The following SPHKAP variants were observed in gnomAD, a reference collection of about 807,000 sequenced individuals.
SPHKAP encodes the protein A-kinase anchor protein SPHKAP.
In SPHKAP, 67 loss-of-function variants were observed where a neutral mutation model predicts 137.5. The observed-to-expected ratio is 0.49, with a 90% CI of 0.40 to 0.60. SPHKAP has a LOEUF of 0.60. SPHKAP is among the 20% of genes least tolerant of loss of function. The probability of loss-of-function intolerance (pLI) is 0.00; values close to 1 mark genes in which losing one functional copy is unlikely to be tolerated. For missense variants in SPHKAP, 2,097 were observed against 2,069.3 expected (o/e 1.01, Z -0.26); for synonymous variants, 813 against 785.3 (o/e 1.04, Z -0.59).
rs754367370 is a variant in SPHKAP at position 228,019,773 on chromosome 2, C to G, written c.1081G>C (p.Glu361Gln). 6.2e-7 allele frequency: 1 copy of G among 1,614,128 alleles called. No homozygotes were observed. Among genetic ancestry groups the G allele is most frequent in the Admixed American group, 1.7e-5 (1 of 60,020 alleles). Residue 361 changes from glutamate (E) to glutamine (Q), a missense_variant, in exon 7 of 12, where the codon GAG becomes CAG. Physicochemically the swap from Glu to Gln is conservative, Grantham distance 29 (BLOSUM62 2). Transcript: ENST00000392056. ...KDVPSACAVA[E>Q]QRSNLNPGDH... ...CCTGGGTTTAGGTTGCTTCTCTGCT[C>G]TGCCACAGCACATGCAGAAGGTACA...
chr2:228,152,083 C>T (rs1460396083), intron 1 of SPHKAP, among the ~76,000 whole-genome samples: 2 of 152,108 alleles, frequency 1.3e-5, no homozygotes, highest in Non-Finnish European at 2.9e-5. Context: ...ACTCAGATAA[C>T]ATGTTTCACA....
chr2:228,051,210 A>AG (rs1696244494), intron 3 of SPHKAP, among the ~76,000 whole-genome samples: 1 of 152,196 alleles, frequency 6.6e-6, no homozygotes, highest in African/African-American at 2.4e-5. Flanking sequence ...ATTGTTCAGT[A>AG]GGGACTACAT....
At chr2:227,981,912 C>G (rs1234586478) in intron 11 of SPHKAP, 52 bp from the exon 12 acceptor site, 1 of 1,562,556 alleles carries the variant, frequency 6.4e-7, no homozygotes, top group Admixed American at 1.9e-5. Context: ...GTCCTCAAAG[C>G]CACCTCATTC....
At chr2:228,086,142 C>A (rs1203681892) in intron 3 of SPHKAP, among the ~76,000 whole-genome samples, 1 of 152,044 alleles carries the variant, frequency 6.6e-6, no homozygotes, top group East Asian at 1.9e-4. Context: ...TTAGGACAAG[C>A]TTCCCAGTGA....
At chr2:228,136,385 CT>C (rs755326738) in intron 1 of SPHKAP, among the ~76,000 whole-genome samples, 1 of 152,152 alleles carries the variant, frequency 6.6e-6, no homozygotes, top group African/African-American at 2.4e-5. Context: ...TTAAACCAGA[CT>C]TCCATAAAGC....
chr2:228,155,960 C>G (rs968484608), intron 1 of SPHKAP, among the ~76,000 whole-genome samples: 1 of 152,126 alleles, frequency 6.6e-6, no homozygotes, highest in Non-Finnish European at 1.5e-5. Flanking sequence ...AGCAGGTCAT[C>G]CAGTTTATTA....
chr2:228,021,666 T>G, intron 6 of SPHKAP, 45 bp downstream of exon 6: 1 of 1,563,870 alleles, frequency 6.4e-7, no homozygotes, highest in South Asian at 1.2e-5. Context: ...AAGACATTTT[T>G]ATACGGGGAC....
intron 2 of SPHKAP, among the ~76,000 whole-genome samples, chr2:228,126,565 G>A (rs1248779097): frequency 1.3e-5 from 2 of 152,148 alleles, no homozygotes; most frequent in African/African-American, 2.4e-5. Context: ...TAATTCCGAA[G>A]CCAGAGATGG....
chr2:227,984,129 G>A (rs931555863), intron 11 of SPHKAP, among the ~76,000 whole-genome samples: 3 of 151,884 alleles, frequency 2.0e-5, no homozygotes, highest in Non-Finnish European at 4.4e-5. Flanking sequence ...TGAAAACCAC[G>A]TCTCTACTAA....
At chr2:228,157,503 G>A (rs894901788) in intron 1 of SPHKAP, among the ~76,000 whole-genome samples, 2 of 152,132 alleles carry the variant, frequency 1.3e-5, no homozygotes, top group African/African-American at 4.8e-5. Flanking sequence ...AAAAGAAAAA[G>A]GCAGGACCCA....
chr2:228,121,731 G>A (rs1455100837), intron 2 of SPHKAP, among the ~76,000 whole-genome samples: 2 of 152,298 alleles, frequency 1.3e-5, no homozygotes, highest in East Asian at 1.9e-4. Context: ...AGGCAGAGAT[G>A]TGCCTAGTGA....
intron 11 of SPHKAP, chr2:227,982,460 C>T (rs187941436): frequency 2.9e-6 from 2 of 694,974 alleles, no homozygotes; most frequent in Non-Finnish European, 3.5e-6. Context: ...GGTATTGGTA[C>T]CAGTTCTATT....
Position 228,019,728 on chromosome 2 carries a change from TTCTTGTG to T in SPHKAP, c.1119_1125del (p.Asp373GlufsTer21). On this transcript the variant is annotated frameshift_variant, in exon 7 of 12. Transcript: ENST00000392056. LOFTEE classifies it high-confidence loss of function. ...CCATCTTGTCTAGGAGGGAGAGCGT[TTCTTGTG>T]TCTTCATGGTCTCCTGGGTTTAGGT... is the stretch of plus-strand genomic sequence containing the variant. 1 of 1,614,188 alleles carries T rather than the reference TTCTTGTG, an allele frequency of 6.2e-7. No individual in the cohort carries two copies. Among genetic ancestry groups the T allele is most frequent in the Non-Finnish European group, 8.5e-7 (1 of 1,180,022 alleles).
At chr2:228,092,245 G>T (rs182554543) in intron 3 of SPHKAP, among the ~76,000 whole-genome samples, 5 of 143,766 alleles carry the variant, frequency 3.5e-5, no homozygotes, top group African/African-American at 1.3e-4. Context: ...GTATACACAC[G>T]TGTATATGTG....
At chr2:227,993,707 C>T (rs1693510839) in intron 8 of SPHKAP, 87 bp from the exon 9 acceptor site, 3 of 1,192,932 alleles carry the variant, frequency 2.5e-6, no homozygotes, top group Admixed American at 4.0e-5. Context: ...GTACAAGCTC[C>T]TTCCTTTGGT....
chr2:228,097,599 C>T (rs1698026042), intron 3 of SPHKAP, among the ~76,000 whole-genome samples: 2 of 152,094 alleles, frequency 1.3e-5, no homozygotes, highest in African/African-American at 2.4e-5. Flanking sequence ...TGAGAATAAT[C>T]CCATGACCCA....
chr2:228,051,742 T>C (rs539459810), intron 3 of SPHKAP, among the ~76,000 whole-genome samples: 40 of 152,170 alleles, frequency 2.6e-4, no homozygotes, highest in Non-Finnish European at 3.5e-4. Context: ...ATAAAACAAA[T>C]ATATTTCTCA....
intron 3 of SPHKAP, among the ~76,000 whole-genome samples, chr2:228,057,237 T>C (rs972977954): frequency 1.3e-5 from 2 of 152,250 alleles, no homozygotes; most frequent in Non-Finnish European, 2.9e-5. Flanking sequence ...TAGTTCTTTG[T>C]ATTCATGTAA....
chr2:228,132,414 T>C (rs1699281553), intron 1 of SPHKAP: 1 of 342,412 alleles, frequency 2.9e-6, no homozygotes, highest in South Asian at 1.2e-4. Flanking sequence ...AATAAATTTT[T>C]CTCAATTGCC....
Sources: allele counts gnomAD v4.1 joint callset (sites outside exome capture counted in the v4.1 genomes callset), GRCh38; gene constraint gnomAD v4.1.1; transcripts MANE v1.5; gene names NCBI Gene and HGNC (gene_info 2026-07-23, HGNC 2026-07-21).